Variants in NLK observed in about 807,000 individuals in gnomAD.
NLK encodes the protein nemo like kinase, also known as serine/threonine-protein kinase NLK.
In NLK, 11 loss-of-function variants were observed where a neutral mutation model predicts 59.0. The ratio of observed to expected loss-of-function variants is 0.19; its 90% CI spans 0.12 to 0.31. The LOEUF is 0.31. NLK is among the 10% of genes least tolerant of loss of function. The pLI is 1.00. For missense variants in NLK, 410 were observed against 661.1 expected, an observed-to-expected ratio of 0.62 and a Z score of 4.16; for synonymous variants, 235 against 235.9, an observed-to-expected ratio of 1.00 and a Z score of 0.03.
chr17:28,089,480 T>A (rs903165322), intron 1 of NLK, among the ~76,000 whole-genome samples: 3 of 152,074 alleles, frequency 2.0e-5, no homozygotes, highest in African/African-American at 4.8e-5. Flanking sequence ...TTTTTTTCAT[T>A]CACTTACTGA....
Position 28,172,531 on chromosome 17 carries a change from G to T in NLK, c.1062G>T (p.Thr354=), listed in dbSNP as rs376443057. 6.3e-7 allele frequency: 1 copy of T among 1,576,178 alleles called. No individual in the cohort carries two copies. Among genetic ancestry groups the T allele is most frequent in the Admixed American group, 1.8e-5 (1 of 54,666 alleles). Residue 354 remains threonine, a synonymous_variant, in exon 7 of 11, where the codon ACG becomes ACT. Transcript: ENST00000407008. ...QSPIQQLDLI[T]DLLGTPSLEA... ...TTTCCTTGTAGTTGGATTTGATCAC[G>T]GATCTGTTGGGCACACCATCACTGG...
intron 3 of NLK, among the ~76,000 whole-genome samples, chr17:28,137,935 T>A (rs960354016): frequency 1.2e-4 from 18 of 152,214 alleles, no homozygotes; most frequent in Admixed American, 4.6e-4. Flanking sequence ...TTTAATAATT[T>A]TAAAGATTAT....
At chr17:28,173,084 A>G (rs1261249506) in intron 7 of NLK, among the ~76,000 whole-genome samples, 1 of 152,230 alleles carries the variant, frequency 6.6e-6, no homozygotes, top group East Asian at 1.9e-4. Flanking sequence ...AAGTATGAAG[A>G]TAGATTGCCA....
chr17:28,130,679 T>C (rs565009720), intron 2 of NLK, among the ~76,000 whole-genome samples: 1 of 152,306 alleles, frequency 6.6e-6, no homozygotes, highest in African/African-American at 2.4e-5. Flanking sequence ...ACGCTGTCAC[T>C]CATTGCATTC....
Position 28,161,250 on chromosome 17 carries a change from T to G in NLK, c.735T>G (p.Leu245=). 1 of 1,605,288 alleles carries G rather than the reference T, an allele frequency of 6.2e-7. No individual in the cohort carries two copies. Among genetic ancestry groups the G allele is most frequent in the Non-Finnish European group, 8.5e-7 (1 of 1,172,070 alleles). Residue 245 remains leucine (L), a synonymous_variant, in exon 4 of 11, where the codon CTT becomes CTG. Coordinates refer to ENST00000407008, the MANE Select transcript of NLK (RefSeq NM_016231.5). ...GCTCAGATCATGTCAAAGTTTTTCT[T>G]TATCAGATTTTGCGAGGTAAGATTT... ...PLSSDHVKVF[L]YQILRGLKYL... is the part of the protein sequence containing the mutation.
At chr17:28,137,276 C>A (rs1233915307) in intron 3 of NLK, among the ~76,000 whole-genome samples, 1 of 152,070 alleles carries the variant, frequency 6.6e-6, no homozygotes, top group African/African-American at 2.4e-5. Context: ...GTATGAAGTG[C>A]TATTGTTTTA....
chr17:28,147,599 A>G (rs899671699), intron 3 of NLK, among the ~76,000 whole-genome samples: 1 of 152,192 alleles, frequency 6.6e-6, no homozygotes, highest in African/African-American at 2.4e-5. Context: ...CTTCTTGCCC[A>G]TAATCTTTTT....
intron 1 of NLK, among the ~76,000 whole-genome samples, chr17:28,053,063 A>G (rs943193257): frequency 6.6e-6 from 1 of 151,988 alleles, no homozygotes; most frequent in African/African-American, 2.4e-5. Flanking sequence ...GGCCTGAGCC[A>G]CCGCACCTGG....
chr17:28,200,777 C>T (rs1368434472), downstream of NLK, among the ~76,000 whole-genome samples: 4 of 152,206 alleles, frequency 2.6e-5, no homozygotes, highest in Non-Finnish European at 4.4e-5. Flanking sequence ...CCACCACGCC[C>T]GGCCAACTTT....
At chr17:28,172,248 CAT>C (rs1908493140) in intron 6 of NLK, among the ~76,000 whole-genome samples, 4 of 123,242 alleles carry the variant, frequency 3.2e-5, no homozygotes, top group Non-Finnish European at 1.8e-5. Context: ...AATTCCTTTA[CAT>C]GAGGAATTTA....
intron 3 of NLK, among the ~76,000 whole-genome samples, chr17:28,158,383 C>A (rs1907869204): frequency 1.3e-5 from 2 of 152,140 alleles, no homozygotes; most frequent in Non-Finnish European, 2.9e-5. Context: ...CTGGAAGTTG[C>A]TCTGGGTGTG....
intron 7 of NLK, among the ~76,000 whole-genome samples, chr17:28,174,488 T>G (rs1908595297): frequency 6.6e-6 from 1 of 152,156 alleles, no homozygotes. Flanking sequence ...GAAAACTAGT[T>G]AGGAGGCCAT....
intron 3 of NLK, among the ~76,000 whole-genome samples, chr17:28,155,260 C>A (rs1907654269): frequency 6.6e-6 from 1 of 151,958 alleles, no homozygotes; most frequent in Non-Finnish European, 1.5e-5. Flanking sequence ...GTTAAAAGGT[C>A]ATTAAAAAGT....
chr17:28,185,297 T>C, intron 8 of NLK, 32 bp downstream of exon 8: 1 of 1,304,432 alleles, frequency 7.7e-7, no homozygotes, highest in Non-Finnish European at 1.1e-6. Flanking sequence ...ATATTTTTAA[T>C]GAATTACAAA....
intron 1 of NLK, among the ~76,000 whole-genome samples, chr17:28,072,438 A>G (rs1910038860): frequency 6.6e-6 from 1 of 151,250 alleles, no homozygotes; most frequent in Non-Finnish European, 1.5e-5. Flanking sequence ...CAATCCTCCA[A>G]CTTCAGCCTC....
chr17:28,157,986 C>T (rs1907850496), intron 3 of NLK, among the ~76,000 whole-genome samples: 1 of 152,134 alleles, frequency 6.6e-6, no homozygotes, highest in African/African-American at 2.4e-5. Context: ...GCAGACAACC[C>T]TTGCCTTTAT....
At chr17:28,045,450 G>T (rs1909017276) in intron 1 of NLK, among the ~76,000 whole-genome samples, 1 of 152,154 alleles carries the variant, frequency 6.6e-6, no homozygotes, top group African/African-American at 2.4e-5. Context: ...GGTTTCTTTT[G>T]AGGCCCCTCT....
chr17:28,057,731 G>A (rs1393424990), intron 1 of NLK, among the ~76,000 whole-genome samples: 1 of 152,084 alleles, frequency 6.6e-6, no homozygotes, highest in Non-Finnish European at 1.5e-5. Flanking sequence ...AGTCATATGA[G>A]CTGATGATGC....
intron 1 of NLK, among the ~76,000 whole-genome samples, chr17:28,093,355 A>G (rs1904578130): frequency 6.6e-6 from 1 of 152,182 alleles, no homozygotes; most frequent in African/African-American, 2.4e-5. Context: ...AGGCTGATCT[A>G]TATATAATAG....
Sources: gnomAD v4.1 joint callset for allele counts (sites outside exome capture counted in the v4.1 genomes callset) on GRCh38, gnomAD v4.1.1 for gene constraint, MANE v1.5 for transcripts, NCBI Gene and HGNC (gene_info 2026-07-23, HGNC 2026-07-21) for gene names.